The following BEAN1 variants were observed in gnomAD, a reference collection of about 807,000 sequenced individuals.
BEAN1 encodes protein BEAN1.
In BEAN1, 17 loss-of-function variants were observed where a neutral mutation model predicts 17.7. The ratio of observed to expected loss-of-function variants is 0.96; its 90% confidence interval spans 0.66 to 1.44. BEAN1 has a LOEUF of 1.44. Ranked by LOEUF, BEAN1 falls within the 40% of genes most tolerant of loss-of-function variation. The pLI is 0.00. For missense variants in BEAN1, 359 were observed against 374.1 expected, an observed-to-expected ratio of 0.96 and a Z score of 0.33; for synonymous variants, 142 against 151.8, an observed-to-expected ratio of 0.94 and a Z score of 0.47.
At chr16:66,461,472 C>A (rs1963078880) in intron 2 of BEAN1, among the ~76,000 whole-genome samples, 1 of 151,982 alleles carries the variant, frequency 6.6e-6, no homozygotes, top group Non-Finnish European at 1.5e-5. Context: ...CTCTCATCTG[C>A]TGCTGACGCA....
chr16:66,483,152 GA>G, downstream of BEAN1: 2 of 247,616 alleles, frequency 8.1e-6, no homozygotes, highest in Non-Finnish European at 1.6e-5. Context: ...AAACTTGTAA[GA>G]AAAGGAAACA....
chr16:66,450,884 C>A (rs1764121856), intron 2 of BEAN1: 1 of 152,182 alleles, frequency 6.6e-6, no homozygotes, highest in Non-Finnish European at 1.5e-5. Flanking sequence ...AGGTAAATAT[C>A]ACACATTTCC....
intron 3 of BEAN1, 54 bp from the exon 4 acceptor site, chr16:66,477,506 G>A: frequency 6.8e-7 from 1 of 1,463,790 alleles, no homozygotes; most frequent in Non-Finnish European, 9.0e-7. Context: ...AGACCCATAA[G>A]GACCATCCCT....
rs1037132505 is a variant in BEAN1 at position 66,455,955 on chromosome 16, G to A, written c.26-13647G>A. Among the ~76,000 whole-genome samples the A allele has an allele frequency of 5.1e-4, 78 of 152,196 alleles. 1 individual carries two copies. The highest frequency in any genetic ancestry group is 3.3e-4 in the Admixed American group (5 of 15,290). Reference sequence around the variant, plus strand: ...GCCCACCTCAGGCTCCCGATGTGCCGGGATTACAGGTGTGAGCCACTGCTC... The same window carrying A: ...GCCCACCTCAGGCTCCCGATGTGCCAGGATTACAGGTGTGAGCCACTGCTC... On this transcript the variant is annotated intron_variant, in intron 2 of 4. Coordinates refer to ENST00000536005, the MANE Select transcript of BEAN1 (RefSeq NM_001178020.3).
chr16:66,490,129 T>G (rs1964144280), intron 4 of BEAN1, among the ~76,000 whole-genome samples: 1 of 146,088 alleles, frequency 6.8e-6, no homozygotes, highest in Non-Finnish European at 1.5e-5. Flanking sequence ...GCCTGTAATC[T>G]CAGCACTTTG....
chr16:66,471,736 G>T lies in BEAN1; in HGVS notation c.289+1871G>T, dbSNP rs995636294. ...GAGAAAGTTCAGCATGAATAAAACAGATGTGGAAAGCTCAGCCCACCCAGT... is the reference window on the plus strand; with the variant it reads ...GAGAAAGTTCAGCATGAATAAAACATATGTGGAAAGCTCAGCCCACCCAGT... On this transcript the variant is annotated intron_variant, in intron 3 of 4. Transcript: ENST00000536005. This position sits in a 1 kb window ranked among gnomAD's most constrained non-coding sequence, Gnocchi z 4.7. Among the ~76,000 whole-genome samples the T allele has an allele frequency of 2.6e-5, 4 of 152,228 alleles. No individual in the cohort carries two copies. Among genetic ancestry groups the T allele is most frequent in the African/African-American group, 9.6e-5 (4 of 41,458 alleles).
Position 66,433,100 on chromosome 16 carries a change from TTTATTTTTA to T in BEAN1, c.-82-4477_-82-4469del, listed in dbSNP as rs372976831. Among the ~76,000 whole-genome samples, 195 of 152,116 alleles carry T rather than the reference TTTATTTTTA, an allele frequency of 1.3e-3. 2 individuals are homozygous for T. The East Asian group carries it at 0.028, about 22-fold the overall frequency. ...TCAGGGACTTTATTTTATTTATTTATTTATTTTTATTATTTTTATTATTTTTGAGATGGA... is the reference window on the plus strand; with the variant it reads ...TCAGGGACTTTATTTTATTTATTTATTTATTTTTATTATTTTTGAGATGGA... On this transcript the variant is annotated intron_variant, in intron 1 of 4. Transcript: ENST00000536005.
chr16:66,447,585 C>T (rs1962502902), intron 2 of BEAN1, among the ~76,000 whole-genome samples: 1 of 152,156 alleles, frequency 6.6e-6, no homozygotes, highest in Admixed American at 6.5e-5. Context: ...CCTACCAGCC[C>T]CAGGTTGGCA....
intron 2 of BEAN1, among the ~76,000 whole-genome samples, chr16:66,446,098 G>A (rs188152645): frequency 1.3e-5 from 2 of 152,006 alleles, no homozygotes; most frequent in East Asian, 1.9e-4. Flanking sequence ...CATGAGAATC[G>A]CTTGAACCTG....
At chr16:66,447,415 T>C (rs1795078551) in intron 2 of BEAN1, among the ~76,000 whole-genome samples, 1 of 152,208 alleles carries the variant, frequency 6.6e-6, no homozygotes, top group East Asian at 1.9e-4. Flanking sequence ...AATGTGACTA[T>C]GAGGGTTTGG....
intron 2 of BEAN1, among the ~76,000 whole-genome samples, 190 bp from the exon 3 acceptor site, chr16:66,469,412 C>A (rs941294827): frequency 2.6e-5 from 4 of 152,222 alleles, no homozygotes; most frequent in African/African-American, 9.6e-5. Context: ...ACCAGAGGCT[C>A]CTGCAGGCAG....
At position 66,481,034 on chromosome 16, in the gene BEAN1, CACATAGA is replaced by C; in HGVS notation, c.*110_*116del. 1.1e-6 allele frequency: 1 copy of C among 950,556 alleles called. No homozygotes were observed. The highest frequency in any genetic ancestry group is 1.8e-5 in the South Asian group (1 of 54,774). The allele number at this position is 950,556 out of a possible 1,614,324, so 58.9% of individuals were successfully genotyped here. On this transcript the variant is annotated 3_prime_UTR_variant, in exon 5 of 5. Coordinates refer to ENST00000536005, the MANE Select transcript of BEAN1 (RefSeq NM_001178020.3). The surrounding 1 kb of genome is among the most constrained non-coding windows in gnomAD (Gnocchi z 4.1). The stretch of plus-strand genomic sequence containing the variant: ...AGATGCACACGTGACTCATAACACA[CACATAGA>C]CCAAACTTGTATACACACAGACATC...
chr16:66,464,128 G>T (rs1278160113), intron 2 of BEAN1, among the ~76,000 whole-genome samples: 1 of 152,164 alleles, frequency 6.6e-6, no homozygotes, highest in African/African-American at 2.4e-5. Flanking sequence ...ATTTTCACAT[G>T]AATTTTAAGA....
intron 2 of BEAN1, among the ~76,000 whole-genome samples, chr16:66,453,340 T>TACAC (rs1962746160): frequency 1.4e-5 from 2 of 144,516 alleles, no homozygotes; most frequent in African/African-American, 2.7e-5. Context: ...TTCATTCTGT[T>TACAC]ATACACACAC....
At chr16:66,439,008 C>T (rs531673260) in intron 2 of BEAN1, among the ~76,000 whole-genome samples, 8 of 152,234 alleles carry the variant, frequency 5.3e-5, no homozygotes, top group South Asian at 2.1e-4. Flanking sequence ...CCATTGTTTA[C>T]GTGGATCATG....
rs1043848259 is a variant in BEAN1, at chr16:66,471,511, G to A, written c.289+1646G>A. ...GCTCAAGGCAGTGTCCGGCAGACAC[G>A]TACATGGCCACAGTGGGTGTCACTC... is the stretch of plus-strand genomic sequence containing the variant. On this transcript the variant is annotated intron_variant, in intron 3 of 4. Transcript: ENST00000536005. The surrounding 1 kb of genome is among the most constrained non-coding windows in gnomAD (Gnocchi z 4.7). Among the ~76,000 whole-genome samples, 1 of 152,230 alleles carries A rather than the reference G, an allele frequency of 6.6e-6. No individual in the cohort carries two copies. Among genetic ancestry groups the A allele is most frequent in the African/African-American group, 2.4e-5 (1 of 41,468 alleles).
At chr16:66,476,484 GC>G (rs1383834584) in intron 3 of BEAN1, 1 of 152,352 alleles carries the variant, frequency 6.6e-6, no homozygotes, top group East Asian at 1.9e-4. Context: ...TTATAGCTCC[GC>G]CCCTGATGCC....
At chr16:66,491,843 C>T (rs1053565153) in intron 4 of BEAN1, among the ~76,000 whole-genome samples, 1 of 152,088 alleles carries the variant, frequency 6.6e-6, no homozygotes, top group Non-Finnish European at 1.5e-5. Context: ...CTTGTTTGCC[C>T]GCCACTCACC....
downstream of BEAN1, among the ~76,000 whole-genome samples, chr16:66,494,129 C>A (rs1964215674): frequency 6.6e-6 from 1 of 152,222 alleles, no homozygotes; most frequent in Non-Finnish European, 1.5e-5. Flanking sequence ...TAGTACAGGG[C>A]AGGCACCCTG....
Sources: allele counts gnomAD v4.1 joint callset (sites outside exome capture counted in the v4.1 genomes callset), GRCh38; gene constraint gnomAD v4.1.1; non-coding constraint Gnocchi (gnomAD v3.1); transcripts MANE v1.5; gene names NCBI Gene and HGNC (gene_info 2026-07-23, HGNC 2026-07-21).